The following UBE2H variants were observed in gnomAD, a reference collection of about 807,000 sequenced individuals.
UBE2H encodes ubiquitin-conjugating enzyme E2 H.
In UBE2H, 3 loss-of-function variants were observed where a neutral mutation model predicts 29.0. The ratio of observed to expected loss-of-function variants is 0.10; its 90% confidence interval spans 0.05 to 0.27. UBE2H has a LOEUF of 0.27. Among genes scored for constraint, UBE2H ranks in the 10% least tolerant of loss-of-function variants. UBE2H has a pLI of 1.00. For missense variants in UBE2H, 68 were observed against 228.2 expected (o/e 0.30, Z 4.52); for synonymous variants, 69 against 82.9 (o/e 0.83, Z 0.91).
At chr7:129,841,940 A>G (rs1220463591) in intron 5 of UBE2H, among the ~76,000 whole-genome samples, 1 of 152,230 alleles carries the variant, frequency 6.6e-6, no homozygotes, top group Non-Finnish European at 1.5e-5. Context: ...ATTATGGTAC[A>G]AAACCATTGA....
intron 1 of UBE2H, among the ~76,000 whole-genome samples, chr7:129,906,968 A>G (rs1806830755): frequency 6.6e-6 from 1 of 152,224 alleles, no homozygotes; most frequent in Non-Finnish European, 1.5e-5. Flanking sequence ...TTTGAGAGAC[A>G]TTACTACACA....
chr7:129,839,976 C>T (rs1408451358), intron 5 of UBE2H, among the ~76,000 whole-genome samples: 1 of 152,222 alleles, frequency 6.6e-6, no homozygotes. Flanking sequence ...TTCCAAAGTG[C>T]TGGGATTACA....
intron 1 of UBE2H, among the ~76,000 whole-genome samples, chr7:129,917,486 G>T (rs145942673): frequency 3.3e-5 from 5 of 152,128 alleles, no homozygotes; most frequent in African/African-American, 1.2e-4. Flanking sequence ...CAGGGAGGTT[G>T]GTGGTAACAA....
intron 1 of UBE2H, among the ~76,000 whole-genome samples, chr7:129,917,234 T>C (rs569062755): frequency 6.6e-6 from 1 of 152,324 alleles, no homozygotes; most frequent in African/African-American, 2.4e-5. Flanking sequence ...GTCTCACATG[T>C]TGCCTACAAA....
chr7:129,907,324 C>A (rs1344535370), intron 1 of UBE2H, among the ~76,000 whole-genome samples: 1 of 151,872 alleles, frequency 6.6e-6, no homozygotes, highest in Non-Finnish European at 1.5e-5. Context: ...TCAGTAAAGC[C>A]TGGATCGTGT....
chr7:129,945,427 A>G (rs1015206655), intron 1 of UBE2H, among the ~76,000 whole-genome samples: 1 of 152,240 alleles, frequency 6.6e-6, no homozygotes, highest in African/African-American at 2.4e-5. Context: ...CACAAAAAAC[A>G]TCAAAGTTTA....
intron 3 of UBE2H, among the ~76,000 whole-genome samples, chr7:129,860,336 G>GA (rs963194682): frequency 4.0e-5 from 6 of 151,840 alleles, no homozygotes; most frequent in African/African-American, 9.7e-5. Flanking sequence ...TTACTCTGAT[G>GA]AAAAAAAATC....
chr7:129,842,059 T>C (rs1033613875), intron 5 of UBE2H, among the ~76,000 whole-genome samples: 3 of 152,230 alleles, frequency 2.0e-5, no homozygotes, highest in African/African-American at 4.8e-5. Context: ...TGTGTATGCA[T>C]AAGACAAACA....
At chr7:129,946,538 C>T (rs1807769609) in intron 1 of UBE2H, among the ~76,000 whole-genome samples, 2 of 152,148 alleles carry the variant, frequency 1.3e-5, no homozygotes, top group Non-Finnish European at 1.5e-5. Context: ...TGGTCCTGGA[C>T]CAGAAGCATC....
chr7:129,944,152 C>T (rs937692137), intron 1 of UBE2H, among the ~76,000 whole-genome samples: 2 of 150,754 alleles, frequency 1.3e-5, no homozygotes, highest in East Asian at 2.0e-4. Flanking sequence ...GTCAGGAGAT[C>T]AAGACCATCC....
chr7:129,873,323 C>T (rs1324543759), intron 3 of UBE2H, among the ~76,000 whole-genome samples: 1 of 151,740 alleles, frequency 6.6e-6, no homozygotes, highest in African/African-American at 2.4e-5. Flanking sequence ...CCAGCCAGCT[C>T]AGAGTATTTT....
At chr7:129,910,248 G>A (rs966052686) in intron 1 of UBE2H, among the ~76,000 whole-genome samples, 1 of 151,846 alleles carries the variant, frequency 6.6e-6, no homozygotes, top group African/African-American at 2.4e-5. Context: ...AGAGTCGCTT[G>A]AACCCTGGAG....
In UBE2H at chr7:129,870,220, C is replaced by T. The variant is rs569109456; in HGVS notation, c.205+9348G>A. ...CCCTCCTTCCTTCTCGATGGTGGTG[C>T]TCCTGCAATTCTCTTCCCAACTCCA... On this transcript the variant is annotated intron_variant, in intron 3 of 6. Transcript: ENST00000355621. Among the ~76,000 whole-genome samples the T allele has an allele frequency of 1.9e-3, 294 of 152,294 alleles. 1 individual carries two copies. The highest frequency in any genetic ancestry group is 3.4e-3 in the Non-Finnish European group (231 of 68,030).
intron 1 of UBE2H, among the ~76,000 whole-genome samples, chr7:129,895,529 G>A (rs1395146861): frequency 6.6e-6 from 1 of 151,980 alleles, no homozygotes; most frequent in Non-Finnish European, 1.5e-5. Flanking sequence ...ATAATCAGGT[G>A]GCCCTCTGCA....
chr7:129,929,350 A>G (rs1458530001), intron 1 of UBE2H, among the ~76,000 whole-genome samples: 1 of 151,726 alleles, frequency 6.6e-6, no homozygotes, highest in Non-Finnish European at 1.5e-5. Flanking sequence ...GTAACATTTA[A>G]TGCACCATAT....
intron 1 of UBE2H, among the ~76,000 whole-genome samples, chr7:129,937,303 T>G (rs981249751): frequency 1.3e-5 from 2 of 151,980 alleles, no homozygotes; most frequent in Non-Finnish European, 2.9e-5. Context: ...CACTTCGGCC[T>G]GGGCAACAGA....
chr7:129,915,964 C>T (rs1269091931), intron 1 of UBE2H, among the ~76,000 whole-genome samples: 8 of 152,120 alleles, frequency 5.3e-5, no homozygotes, highest in East Asian at 3.8e-4. Context: ...CTATCTGCCT[C>T]GTAAGTCCAT....
At chr7:129,892,355 G>A (rs902553197) in intron 1 of UBE2H, among the ~76,000 whole-genome samples, 1 of 151,878 alleles carries the variant, frequency 6.6e-6, no homozygotes, top group Non-Finnish European at 1.5e-5. Context: ...GGGTTCAAGC[G>A]ATTCTCCTTC....
chr7:129,896,561 A>G (rs1806605866), intron 1 of UBE2H, among the ~76,000 whole-genome samples: 2 of 151,932 alleles, frequency 1.3e-5, no homozygotes, highest in Non-Finnish European at 2.9e-5. Context: ...ATGCATCAGC[A>G]CATCCGGCTC....
Sources: gnomAD v4.1 joint callset for allele counts (sites outside exome capture counted in the v4.1 genomes callset) on GRCh38, gnomAD v4.1.1 for gene constraint, MANE v1.5 for transcripts, NCBI Gene and HGNC (gene_info 2026-07-23, HGNC 2026-07-21) for gene names.